The following OCA2 variants were observed in gnomAD, a reference collection of about 807,000 sequenced individuals.
OCA2 encodes OCA2 melanosomal transmembrane protein.
OCA2 carries 77 observed loss-of-function variants against 100.2 expected under a neutral mutation model. That is an observed-to-expected ratio of 0.77 (90% CI 0.64 to 0.93). OCA2 has a LOEUF of 0.93. OCA2 is among the 40% of genes least tolerant of loss of function. The pLI is 0.00. For missense variants in OCA2, 1,062 were observed against 1,089.1 expected, an observed-to-expected ratio of 0.98 and a Z score of 0.35; for synonymous variants, 432 against 439.2, an observed-to-expected ratio of 0.98 and a Z score of 0.21.
At chr15:27,795,850 G>C (rs1185087972) in intron 23 of OCA2, among the ~76,000 whole-genome samples, 2 of 152,204 alleles carry the variant, frequency 1.3e-5, no homozygotes, top group Non-Finnish European at 2.9e-5. Flanking sequence ...CTGATTGTAT[G>C]GGAGGAGAAA....
At chr15:27,769,899 C>G (rs2031582897) in intron 23 of OCA2, among the ~76,000 whole-genome samples, 1 of 137,872 alleles carries the variant, frequency 7.3e-6, no homozygotes, top group Non-Finnish European at 1.5e-5. Context: ...CTGTGTGCAG[C>G]GCCTCGGCCT....
chr15:27,981,734 G>A (rs1379990216), intron 14 of OCA2, among the ~76,000 whole-genome samples: 6 of 152,040 alleles, frequency 3.9e-5, no homozygotes, highest in African/African-American at 7.2e-5. Flanking sequence ...TAGTCTCCTC[G>A]CATGAATGCA....
At chr15:27,972,820 GTTATTTTATT>G (rs200881214) in intron 14 of OCA2, among the ~76,000 whole-genome samples, 16,574 of 73,530 alleles carry the variant, frequency 0.23, 2,544 homozygotes, top group East Asian at 0.81. Flanking sequence ...TACTTTGATG[GTTATTTTATT>G]TTATTTTATT....
the OCA2 span, among the ~76,000 whole-genome samples, chr15:27,745,530 C>A: frequency 1.3e-5 from 2 of 152,180 alleles, no homozygotes; most frequent in Non-Finnish European, 2.9e-5. Flanking sequence ...ACCAGCAAGT[C>A]CCAGCCTTAT....
chr15:27,760,188 A>C (rs1172665524), intron 23 of OCA2, among the ~76,000 whole-genome samples: 1 of 152,026 alleles, frequency 6.6e-6, no homozygotes, highest in Non-Finnish European at 1.5e-5. Context: ...AAGTAAAAAA[A>C]CCACATGGAA....
chr15:28,081,632 ACTATTTTAAACTCAC>A lies in OCA2; in HGVS notation c.227+1_227+15del, dbSNP rs2044626810. ...GTGAAGTCCACATTTACAAGATGGCACTATTTTAAACTCACCTCCCTTTTGTGAGGAATGAAGCAA... is the reference window on the plus strand; with the variant it reads ...GTGAAGTCCACATTTACAAGATGGCACTCCCTTTTGTGAGGAATGAAGCAA... On this transcript the variant is annotated splice_donor_variant and splice_donor_5th_base_variant and intron_variant, in intron 2 of 23. Transcript: ENST00000354638. LOFTEE classifies it high-confidence loss of function. 1.9e-6 allele frequency: 3 copies of A among 1,607,002 alleles called. No individual in the cohort carries two copies. Among genetic ancestry groups the A allele is most frequent in the Non-Finnish European group, 2.6e-6 (3 of 1,174,632 alleles).
intron 23 of OCA2, among the ~76,000 whole-genome samples, chr15:27,774,507 C>A (rs754401669): frequency 1.3e-5 from 2 of 152,196 alleles, no homozygotes; most frequent in African/African-American, 4.8e-5. Context: ...TTGGTGTAGA[C>A]CATTTCCACT....
the OCA2 span, among the ~76,000 whole-genome samples, chr15:27,743,917 C>T: frequency 6.6e-6 from 1 of 152,206 alleles, no homozygotes; most frequent in Admixed American, 6.5e-5. Flanking sequence ...ACCACGTCAT[C>T]GTTGCTTTTG....
chr15:27,897,408 C>T (rs2037750919), intron 19 of OCA2, among the ~76,000 whole-genome samples: 2 of 152,008 alleles, frequency 1.3e-5, no homozygotes, highest in Non-Finnish European at 2.9e-5. Context: ...GACTTGGTGC[C>T]CTGCATTCCA....
chr15:27,784,334 G>A (rs988267620), intron 23 of OCA2, among the ~76,000 whole-genome samples: 3 of 152,110 alleles, frequency 2.0e-5, no homozygotes, highest in African/African-American at 7.2e-5. Context: ...AGCAAACCAC[G>A]AACCAAGTCC....
At chr15:27,938,386 G>A (rs1349105) in intron 18 of OCA2, among the ~76,000 whole-genome samples, 31,686 of 152,172 alleles carry the variant, frequency 0.21, 3,826 homozygotes, top group South Asian at 0.37. Context: ...ACAACTTGCA[G>A]AGGCAAGACT....
intron 9 of OCA2, among the ~76,000 whole-genome samples, chr15:27,992,927 G>A (rs1868331): frequency 0.6 from 91,510 of 151,920 alleles, 31,746 homozygotes; most frequent in Non-Finnish European, 0.79. Flanking sequence ...GTTCAAGACC[G>A]GCCTGGCCAG....
At chr15:27,919,507 A>G (rs139429198) in intron 19 of OCA2, among the ~76,000 whole-genome samples, 1 of 152,308 alleles carries the variant, frequency 6.6e-6, no homozygotes, top group African/African-American at 2.4e-5. Context: ...TACTAAATGA[A>G]AGAGGCCAAT....
chr15:28,049,177 A>G (rs965459846), intron 2 of OCA2, among the ~76,000 whole-genome samples: 5 of 152,252 alleles, frequency 3.3e-5, no homozygotes, highest in African/African-American at 1.2e-4. Context: ...ACTTACATGA[A>G]CAGTTCTTCA....
chr15:27,862,199 C>T (rs369261837), intron 21 of OCA2, among the ~76,000 whole-genome samples: 4 of 137,694 alleles, frequency 2.9e-5, no homozygotes, highest in East Asian at 4.5e-4. Flanking sequence ...AAAGCATGGT[C>T]GTCAGCCTCG....
At chr15:27,991,159 T>G (rs1238633958) in intron 9 of OCA2, among the ~76,000 whole-genome samples, 2 of 152,208 alleles carry the variant, frequency 1.3e-5, no homozygotes, top group African/African-American at 4.8e-5. Flanking sequence ...AAGGCCAAGA[T>G]GTGGAGAATT....
downstream of OCA2, among the ~76,000 whole-genome samples, chr15:27,752,806 CCCCCCCCCCCAGAGG>C (rs2030114111): frequency 2.6e-5 from 2 of 75,854 alleles, no homozygotes; most frequent in African/African-American, 1.5e-4. Flanking sequence ...CCCCACCCCC[CCCCCCCCCCCAGAGG>C]CCCACAGCTG....
In OCA2 at chr15:27,966,734, T is replaced by C. The variant is rs143699063; in HGVS notation, c.1592A>G (p.Tyr531Cys). The change falls in exon 15 of 24, where the codon TAC becomes TGC. Residue 531 changes from tyrosine (Y) to cysteine (C), a missense_variant. Coordinates refer to ENST00000354638, the MANE Select transcript of OCA2 (RefSeq NM_000275.3). ...CTTGTTATAAAGCTTTCTGTTCCAGTAAAGGAGTCTGAGGAGCGGAAAGCA... is the reference window on the plus strand; with the variant it reads ...CTTGTTATAAAGCTTTCTGTTCCAGCAAAGGAGTCTGAGGAGCGGAAAGCA... ...LVCFPLLRLL[Y>C]WNRKLYNKEP... 1.3e-4 allele frequency: 207 copies of C among 1,613,762 alleles called. No individual in the cohort carries two copies. Among genetic ancestry groups the C allele is most frequent in the Middle Eastern group, 3.4e-4 (2 of 5,942 alleles).
At chr15:27,829,483 C>T (rs2034869683) in intron 23 of OCA2, among the ~76,000 whole-genome samples, 1 of 152,186 alleles carries the variant, frequency 6.6e-6, no homozygotes, top group Non-Finnish European at 1.5e-5. Flanking sequence ...AGGCTTTGTC[C>T]ATTCAACTCT....
Sources: allele counts gnomAD v4.1 joint callset (sites outside exome capture counted in the v4.1 genomes callset), GRCh38; gene constraint gnomAD v4.1.1; transcripts MANE v1.5; gene names NCBI Gene and HGNC (gene_info 2026-07-23, HGNC 2026-07-21).